Variants in TREM1 observed in about 807,000 individuals in gnomAD.
TREM1 encodes triggering receptor expressed on myeloid cells 1, also known as triggering receptor expressed on monocytes 1.
In TREM1, 16 loss-of-function variants were observed where a neutral mutation model predicts 22.4. That is an observed-to-expected ratio of 0.71 (90% confidence interval 0.48 to 1.08). The LOEUF (loss-of-function observed/expected upper bound fraction) is 1.08, where lower values mean the gene tolerates loss of function less well. Ranked by LOEUF, TREM1 falls within the 50% of genes least tolerant of loss-of-function variation. The pLI, the probability that TREM1 is intolerant of heterozygous loss-of-function variation, is 0.00. For missense variants in TREM1, 283 were observed against 282.9 expected, an observed-to-expected ratio of 1.00 and a Z score of 0.00; for synonymous variants, 110 against 111.6, an observed-to-expected ratio of 0.99 and a Z score of 0.09.
downstream of TREM1, chr6:41,269,728 C>T (rs1767425529): frequency 6.6e-6 from 1 of 152,220 alleles, no homozygotes; most frequent in Non-Finnish European, 1.5e-5. Flanking sequence ...ATGGAAGACC[C>T]AGGTCCCCTG....
At chr6:41,286,168 C>A (rs1231727840) in intron 1 of TREM1, among the ~76,000 whole-genome samples, 1 of 152,208 alleles carries the variant, frequency 6.6e-6, no homozygotes, top group Non-Finnish European at 1.5e-5. Context: ...CGTCTGTGTC[C>A]TCAGCAGTAG....
chr6:41,284,013 A>C (rs970959969), intron 1 of TREM1, among the ~76,000 whole-genome samples: 9 of 151,900 alleles, frequency 5.9e-5, no homozygotes, highest in Non-Finnish European at 7.4e-5. Flanking sequence ...AGAGAGAAAA[A>C]AACCCACGTT....
At chr6:41,272,205 C>T (rs1165834364), downstream of TREM1, among the ~76,000 whole-genome samples, 1 of 152,142 alleles carries the variant, frequency 6.6e-6, no homozygotes, top group Non-Finnish European at 1.5e-5. Flanking sequence ...TTCTTTCCTG[C>T]CATCATGATG....
At chr6:41,281,223 G>T in intron 2 of TREM1, 70 bp from the exon 3 acceptor site, 1 of 1,471,086 alleles carries the variant, frequency 6.8e-7, no homozygotes, top group Non-Finnish European at 9.2e-7. Flanking sequence ...TGGGTGAATG[G>T]ATGTATGGAT....
At chr6:41,272,792 A>G (rs1160372796), downstream of TREM1, among the ~76,000 whole-genome samples, 1 of 152,186 alleles carries the variant, frequency 6.6e-6, no homozygotes, top group Non-Finnish European at 1.5e-5. Context: ...TAATAGCAGT[A>G]ACCACCATGG....
chr6:41,281,142 T>G lies in TREM1; in HGVS notation c.418A>C (p.Thr140Pro). The change falls in exon 3 of 4, where the codon ACC (threonine) becomes CCC (proline). Residue 140 changes from threonine (T) to proline (P), a missense_variant. Thr to Pro is a conservative substitution (Grantham distance 38, BLOSUM62 -1). Coordinates refer to ENST00000244709, the MANE Select transcript of TREM1 (RefSeq NM_018643.5). ...GTAGAATTCTCATTGGAGCCAGGGG[T>G]CCCTGAAAAACCTGCAAGAAGACAC... ...RLVVTKGFSG[T>P]PGSNENSTQN... The G allele has an allele frequency of 6.2e-7, 1 of 1,613,106 alleles. No individual in the cohort carries two copies. Among genetic ancestry groups the G allele is most frequent in the Non-Finnish European group, 8.5e-7 (1 of 1,179,376 alleles).
At chr6:41,270,987 C>T (rs1029347512), downstream of TREM1, among the ~76,000 whole-genome samples, 3 of 152,146 alleles carry the variant, frequency 2.0e-5, no homozygotes, top group Admixed American at 2.0e-4. Flanking sequence ...ATTACAGGTG[C>T]GAGCCATAGC....
rs950928028 is a variant in TREM1 at position 41,274,323 on chromosome 6, A to G, written c.*1802T>C. 2.6e-5 allele frequency among the ~76,000 whole-genome samples: 4 copies of G among 152,114 alleles called. No individual in the cohort carries two copies. Among genetic ancestry groups the G allele is most frequent in the Non-Finnish European group, 4.4e-5 (3 of 68,026 alleles). ...AGCATTTGCTTTATGCTCCAGGAGA[A>G]TCTGATGCGGTGGCCTAAAGACCTC... On this transcript the variant is annotated 3_prime_UTR_variant, in exon 4 of 4. Transcript: ENST00000244709.
At chr6:41,270,446 AATATATATAT>A (rs68021402), downstream of TREM1, among the ~76,000 whole-genome samples, 44 of 144,074 alleles carry the variant, frequency 3.1e-4, 2 homozygotes, top group African/African-American at 1.2e-3. Flanking sequence ...GATATTATAT[AATATATATAT>A]ATATATATAT....
At chr6:41,282,348 C>A in intron 2 of TREM1, 47 bp downstream of exon 2, 2 of 1,476,864 alleles carry the variant, frequency 1.4e-6, no homozygotes, top group East Asian at 2.3e-5. Context: ...ACCACTGCCC[C>A]TTTCCTCACC....
chr6:41,277,591 C>CTGGGGCA (rs1438478714), intron 3 of TREM1, among the ~76,000 whole-genome samples: 1 of 152,186 alleles, frequency 6.6e-6, no homozygotes, highest in Admixed American at 6.5e-5. Flanking sequence ...TGCTGAACTC[C>CTGGGGCA]TGGGGCATGT....
rs202099236 is a variant in TREM1 at position 41,279,525 on chromosome 6, AT to A, written c.599+1435del. 177 of 983,284 alleles carry A rather than the reference AT, an allele frequency of 1.8e-4. No individual in the cohort carries two copies. The African/African-American group carries it at 2.2e-3, about 12-fold the overall frequency. The allele number at this position is 983,284 out of a possible 1,614,324, so 60.9% of individuals were successfully genotyped here. A position where few individuals can be genotyped will look rare whatever the true frequency, so the allele number is the denominator to read the frequency against. Reference sequence around the variant, plus strand: ...AAATGAAAGTAGAGGAAAAAAAAAAATTGACTCTTAGTAGATCATTCGTTTG... The same window carrying A: ...AAATGAAAGTAGAGGAAAAAAAAAAATGACTCTTAGTAGATCATTCGTTTG... On this transcript the variant is annotated intron_variant, in intron 3 of 3. Coordinates refer to ENST00000244709, the MANE Select transcript of TREM1 (RefSeq NM_018643.5).
rs373467608 is a variant in TREM1, at chr6:41,276,075, C to T, written c.*50G>A. 7.4e-5 allele frequency: 106 copies of T among 1,434,964 alleles called. 2 individuals are homozygous for T. The Middle Eastern group carries it at 1.0e-3, about 14-fold the overall frequency. The allele number at this position is 1,434,964 out of a possible 1,614,324, so 88.9% of individuals were successfully genotyped here. A position where few individuals can be genotyped will look rare whatever the true frequency, so the allele number is the denominator to read the frequency against. ...CCTCCCTCCTCCCTTGGCACAACTG[C>T]CAGATGGATGTGGCTGGAAGTCAGA... On this transcript the variant is annotated 3_prime_UTR_variant, in exon 4 of 4. Transcript: ENST00000244709.
intron 1 of TREM1, among the ~76,000 whole-genome samples, chr6:41,283,129 A>C (rs1202585604): frequency 6.6e-5 from 10 of 152,160 alleles, no homozygotes; most frequent in Admixed American, 6.5e-4. Flanking sequence ...ATGACATAAA[A>C]AGTGAACGCA....
Position 41,275,419 on chromosome 6 carries a change from A to G in TREM1, c.*706T>C, listed in dbSNP as rs1452026477. The stretch of plus-strand genomic sequence containing the variant: ...TCTAGTCACATACATTTCTGCCTTC[A>G]CGGGGCTATTTTCAGGATCCAGCGA... On this transcript the variant is annotated 3_prime_UTR_variant, in exon 4 of 4. Transcript: ENST00000244709. 6.6e-6 allele frequency: 1 copy of G among 152,172 alleles called. No homozygotes were observed. The highest frequency in any genetic ancestry group is 1.5e-5 in the Non-Finnish European group (1 of 68,070). The allele number at this position is 152,172 out of a possible 1,614,324, so 9.4% of individuals were successfully genotyped here.
At chr6:41,268,374 C>G (rs10947956) in intron 3 of TREM1, among the ~76,000 whole-genome samples, 12,432 of 152,262 alleles carry the variant, frequency 0.082, 622 homozygotes, top group Middle Eastern at 0.21. Flanking sequence ...TGATACAGTT[C>G]TCATTTAACA....
At position 41,274,952 on chromosome 6, in the gene TREM1, C is replaced by T. The variant is rs1179749464; in HGVS notation, c.*1173G>A. Among the ~76,000 whole-genome samples the T allele has an allele frequency of 1.3e-5, 2 of 152,268 alleles. No individual in the cohort carries two copies. The highest frequency in any genetic ancestry group is 1.9e-4 in the East Asian group (1 of 5,176). On this transcript the variant is annotated 3_prime_UTR_variant, in exon 4 of 4. Transcript: ENST00000244709. ...AATTGGGCTGGAAGGACCCACCATCCTTTCCCCACCCATGAGGCCCATTTC... is the reference window on the plus strand; with the variant it reads ...AATTGGGCTGGAAGGACCCACCATCTTTTCCCCACCCATGAGGCCCATTTC...
chr6:41,276,381 T>G (rs947802662), intron 3 of TREM1, 151 bp from the exon 4 acceptor site: 2 of 647,594 alleles, frequency 3.1e-6, no homozygotes, highest in African/African-American at 3.6e-5. Flanking sequence ...CTTTTCAGTC[T>G]GTCTCATTGC....
At chr6:41,272,451 C>T (rs1767510328), downstream of TREM1, among the ~76,000 whole-genome samples, 1 of 152,214 alleles carries the variant, frequency 6.6e-6, no homozygotes, top group Admixed American at 6.5e-5. Flanking sequence ...CTGCTACATC[C>T]TCCCTCTTTA....
Sources: allele counts gnomAD v4.1 joint callset (sites outside exome capture counted in the v4.1 genomes callset), GRCh38; gene constraint gnomAD v4.1.1; transcripts MANE v1.5; gene names NCBI Gene and HGNC (gene_info 2026-07-23, HGNC 2026-07-21).